The following MAGI2 variants were observed in gnomAD, a reference collection of about 807,000 sequenced individuals.
MAGI2 encodes membrane-associated guanylate kinase, WW and PDZ domain-containing protein 2.
MAGI2 carries 35 observed loss-of-function variants against 133.3 expected under a neutral mutation model. That is an observed-to-expected ratio of 0.26 (90% confidence interval 0.20 to 0.35). MAGI2 has a LOEUF of 0.35. Among genes scored for constraint, MAGI2 ranks in the 10% least tolerant of loss-of-function variants. The pLI is 1.00. For missense variants in MAGI2, 1,636 were observed against 1,863.4 expected (o/e 0.88, Z 2.25); for synonymous variants, 729 against 710.6 (o/e 1.03, Z -0.41).
intron 2 of MAGI2, among the ~76,000 whole-genome samples, chr7:78,887,085 G>C (rs1796333693): frequency 6.6e-6 from 1 of 152,106 alleles, no homozygotes; most frequent in South Asian, 2.1e-4. Context: ...CAGCCCCATG[G>C]AACTACTTTG....
At chr7:78,077,776 CTG>C (rs1452228882) in intron 21 of MAGI2, among the ~76,000 whole-genome samples, 1 of 134,740 alleles carries the variant, frequency 7.4e-6, no homozygotes, top group Non-Finnish European at 1.5e-5. Context: ...GTTGCCCAGA[CTG>C]GAGTGTAATG....
Position 78,786,415 on chromosome 7 carries a change from T to C in MAGI2, c.419-159176A>G, listed in dbSNP as rs182111278. On this transcript the variant is annotated intron_variant, in intron 2 of 21. Transcript: ENST00000354212. ...ATGGGTCCTTTTTAATCCCAAAGAG[T>C]TCCTATTTCATTCAAAATATAAGCC... Among the ~76,000 whole-genome samples, 214 of 152,274 alleles carry C rather than the reference T, an allele frequency of 1.4e-3. 3 individuals are homozygous for C. The highest frequency in any genetic ancestry group is 3.9e-3 in the East Asian group (20 of 5,184).
At chr7:79,127,008 T>A (rs13239065) in intron 1 of MAGI2, among the ~76,000 whole-genome samples, 6 of 150,358 alleles carry the variant, frequency 4.0e-5, no homozygotes, top group African/African-American at 1.2e-4. Flanking sequence ...TGTCCATGTG[T>A]TCTCATTGTT....
At chr7:78,942,437 C>T (rs553824719) in intron 2 of MAGI2, among the ~76,000 whole-genome samples, 9 of 152,098 alleles carry the variant, frequency 5.9e-5, no homozygotes, top group Non-Finnish European at 8.8e-5. Context: ...CATTCTCTTA[C>T]CATGATATAT....
At chr7:78,290,810 G>A (rs1796626221) in intron 9 of MAGI2, among the ~76,000 whole-genome samples, 1 of 152,152 alleles carries the variant, frequency 6.6e-6, no homozygotes, top group South Asian at 2.1e-4. Flanking sequence ...TCAGCTACAT[G>A]GAAACTGAAC....
At chr7:78,884,923 T>C (rs750028466) in intron 2 of MAGI2, among the ~76,000 whole-genome samples, 4 of 152,160 alleles carry the variant, frequency 2.6e-5, no homozygotes, top group Non-Finnish European at 5.9e-5. Flanking sequence ...TCAACCTAGG[T>C]GCCCATTAAT....
chr7:78,955,780 TCTTTCTTTC>T (rs1802324987), intron 2 of MAGI2, among the ~76,000 whole-genome samples: 1 of 149,746 alleles, frequency 6.7e-6, no homozygotes, highest in Admixed American at 6.7e-5. Flanking sequence ...TTTCTTTCTT[TCTTTCTTTC>T]ATTTCTTTCG....
At chr7:78,094,941 C>G (rs1264916463) in intron 20 of MAGI2, among the ~76,000 whole-genome samples, 1 of 152,180 alleles carries the variant, frequency 6.6e-6, no homozygotes, top group Admixed American at 6.5e-5. Flanking sequence ...CCCTCTGCAG[C>G]CGCCCTCTCT....
intron 12 of MAGI2, among the ~76,000 whole-genome samples, chr7:78,188,264 TTAAAATC>T (rs1236167454): frequency 1.3e-5 from 2 of 152,214 alleles, no homozygotes; most frequent in Admixed American, 1.3e-4. Flanking sequence ...TCCAAATTAA[TTAAAATC>T]TACATATTAA....
intron 1 of MAGI2, among the ~76,000 whole-genome samples, chr7:79,339,557 C>T (rs1168833915): frequency 6.7e-6 from 1 of 150,348 alleles, no homozygotes. Flanking sequence ...AGGGCATATA[C>T]AATTTATTCT....
intron 2 of MAGI2, among the ~76,000 whole-genome samples, chr7:78,863,322 T>A (rs575204584): frequency 6.6e-6 from 1 of 152,208 alleles, no homozygotes; most frequent in Non-Finnish European, 1.5e-5. Context: ...TTATGACTTT[T>A]CTGGCTGAAA....
chr7:78,497,755 T>C (rs1794243926), intron 5 of MAGI2, among the ~76,000 whole-genome samples: 1 of 137,322 alleles, frequency 7.3e-6, no homozygotes, highest in Admixed American at 7.3e-5. Flanking sequence ...TATCTATCTA[T>C]CTATCTATCT....
At chr7:79,014,745 G>T (rs1253221497) in intron 1 of MAGI2, among the ~76,000 whole-genome samples, 2 of 151,992 alleles carry the variant, frequency 1.3e-5, no homozygotes, top group African/African-American at 2.4e-5. Context: ...TAGGTATAAG[G>T]CTTCTACATA....
At chr7:79,422,199 G>C (rs563862632) in intron 1 of MAGI2, among the ~76,000 whole-genome samples, 4 of 151,936 alleles carry the variant, frequency 2.6e-5, no homozygotes, top group Non-Finnish European at 5.9e-5. Context: ...AAATAGAGTG[G>C]AGTTATTTAA....
intron 1 of MAGI2, among the ~76,000 whole-genome samples, chr7:79,032,570 A>G (rs372520326): frequency 6.6e-6 from 1 of 151,896 alleles, no homozygotes; most frequent in Non-Finnish European, 1.5e-5. Flanking sequence ...TGAGAGTGGA[A>G]CATCAAGTCT....
chr7:78,240,557 T>A (rs895157379), intron 10 of MAGI2, among the ~76,000 whole-genome samples: 17 of 152,198 alleles, frequency 1.1e-4, no homozygotes, highest in African/African-American at 3.6e-4. Context: ...AAATACTGCA[T>A]GATCTTACTC....
At chr7:78,604,128 A>C (rs1445639841) in intron 3 of MAGI2, among the ~76,000 whole-genome samples, 1 of 152,238 alleles carries the variant, frequency 6.6e-6, no homozygotes, top group Non-Finnish European at 1.5e-5. Context: ...CATTTTATTG[A>C]TGAAACAGTC....
intron 1 of MAGI2, among the ~76,000 whole-genome samples, chr7:79,186,751 G>GTATATA (rs67211187): frequency 1.7e-4 from 22 of 129,130 alleles, no homozygotes; most frequent in Admixed American, 4.0e-4. Context: ...TTATACAAAA[G>GTATATA]TATATATATA....
At chr7:78,251,092 C>T (rs944178995) in intron 10 of MAGI2, among the ~76,000 whole-genome samples, 3 of 152,070 alleles carry the variant, frequency 2.0e-5, no homozygotes, top group Non-Finnish European at 4.4e-5. Flanking sequence ...AACTAAAAAT[C>T]GTGTTATGTA....
Sources: allele counts gnomAD v4.1 joint callset (sites outside exome capture counted in the v4.1 genomes callset), GRCh38; gene constraint gnomAD v4.1.1; transcripts MANE v1.5; gene names NCBI Gene and HGNC (gene_info 2026-07-23, HGNC 2026-07-21).